The following RHOBTB1 variants were observed in gnomAD, a reference collection of about 807,000 sequenced individuals.
The protein encoded by RHOBTB1 is Rho related BTB domain containing 1.
RHOBTB1 carries 40 observed loss-of-function variants against 71.6 expected under a neutral mutation model. That is an observed-to-expected ratio of 0.56 (90% CI 0.43 to 0.73). The LOEUF (loss-of-function observed/expected upper bound fraction) is 0.73, where lower values mean the gene tolerates loss of function less well. Ranked by LOEUF, RHOBTB1 falls within the 30% of genes least tolerant of loss-of-function variation. The probability of loss-of-function intolerance (pLI) is 0.00; values close to 1 mark genes in which losing one functional copy is unlikely to be tolerated. For missense variants in RHOBTB1, 797 were observed against 894.0 expected (o/e 0.89, Z 1.38); for synonymous variants, 319 against 334.9 (o/e 0.95, Z 0.52).
At chr10:60,877,796 C>A (rs533916935) in intron 8 of RHOBTB1, 112 bp downstream of exon 8, 2 of 998,504 alleles carry the variant, frequency 2.0e-6, no homozygotes, top group East Asian at 2.6e-5. Context: ...ACAAGACAGT[C>A]CTATTTTGGG....
intron 2 of RHOBTB1, among the ~76,000 whole-genome samples, chr10:60,926,199 T>A (rs1235739447): frequency 6.6e-6 from 1 of 152,180 alleles, no homozygotes. Context: ...ATCGCACAAC[T>A]GCACTCCAGC....
rs1417280031 is a variant in RHOBTB1 at position 60,900,049 on chromosome 10, G to A, written c.297-7054C>T. On this transcript the variant is annotated intron_variant, in intron 4 of 10. Coordinates refer to ENST00000337910, the MANE Select transcript of RHOBTB1 (RefSeq NM_014836.5). ...CCCGAGGTAGGAGCCTGCCTGTGGT[G>A]CCCTCCTGGAGGAAGGGACCATGCC... Among the ~76,000 whole-genome samples the A allele has an allele frequency of 3.3e-5, 5 of 152,146 alleles. No homozygotes were observed. In the South Asian group the frequency reaches 6.2e-4, roughly 19 times the overall value.
chr10:60,959,666 A>C (rs1192841151), intron 2 of RHOBTB1, among the ~76,000 whole-genome samples: 1 of 152,194 alleles, frequency 6.6e-6, no homozygotes, highest in African/African-American at 2.4e-5. Context: ...CCTGAGTGCT[A>C]GTTTTGTCTC....
chr10:60,925,112 C>T (rs1236500173), intron 2 of RHOBTB1, among the ~76,000 whole-genome samples: 2 of 152,160 alleles, frequency 1.3e-5, no homozygotes, highest in African/African-American at 4.8e-5. Context: ...CTCCCTATTG[C>T]TCCTCCTCTG....
At chr10:60,863,961 C>T in the RHOBTB1 span, among the ~76,000 whole-genome samples, 1 of 152,214 alleles carries the variant, frequency 6.6e-6, no homozygotes, top group African/African-American at 2.4e-5. Context: ...CTTTCCCTGC[C>T]TCCGGCCTGA....
chr10:60,894,629 C>G (rs2082076778), intron 4 of RHOBTB1, among the ~76,000 whole-genome samples: 1 of 152,064 alleles, frequency 6.6e-6, no homozygotes, highest in African/African-American at 2.4e-5. Flanking sequence ...ATATTTATAT[C>G]AGGTATCTGA....
Position 60,878,015 on chromosome 10 carries a change from A to G in RHOBTB1, c.1619T>C (p.Leu540Ser). ...NINKISMQAV[L>S]DYLYTKQLSP... ...CAACTGCTTGGTATAGAGATAATCC[A>G]ATACTGCTTGCATTGATATCTTGTT... The change falls in exon 8 of 11, where the codon TTG (leucine) becomes TCG (serine). Residue 540 changes from leucine (L) to serine (S), a missense_variant. By Grantham distance (145) the Leu-to-Ser change is moderately radical. Around this residue, in one of 2 missense-constraint regions of RHOBTB1, gnomAD observed 658 missense variants for 681.5 expected, o/e 0.97. Coordinates refer to ENST00000337910, the MANE Select transcript of RHOBTB1 (RefSeq NM_014836.5). The G allele has an allele frequency of 6.2e-7, 1 of 1,613,318 alleles. No homozygotes were observed. The highest frequency in any genetic ancestry group is 1.1e-5 in the South Asian group (1 of 90,962).
At chr10:60,987,571 C>T (rs2086708114) in intron 1 of RHOBTB1, among the ~76,000 whole-genome samples, 1 of 152,194 alleles carries the variant, frequency 6.6e-6, no homozygotes. Flanking sequence ...CCACCATCCT[C>T]CATCTCCCAT....
chr10:60,924,052 G>C (rs185677536), intron 2 of RHOBTB1, among the ~76,000 whole-genome samples: 23 of 152,198 alleles, frequency 1.5e-4, no homozygotes, highest in Non-Finnish European at 1.8e-4. Context: ...AAGGAGCAGG[G>C]AAAAGCAAGG....
intron 1 of RHOBTB1, among the ~76,000 whole-genome samples, chr10:60,997,381 T>G (rs9633554): frequency 0.075 from 11,464 of 152,248 alleles, 681 homozygotes; most frequent in African/African-American, 0.17. Flanking sequence ...GAACTGTGCA[T>G]AATGGCTCCA....
At chr10:60,972,396 G>T (rs1184209211) in intron 2 of RHOBTB1, among the ~76,000 whole-genome samples, 1 of 152,110 alleles carries the variant, frequency 6.6e-6, no homozygotes, top group Non-Finnish European at 1.5e-5. Context: ...GGACATGGAT[G>T]AAGCTGGAAA....
In RHOBTB1 at chr10:60,871,656, T is replaced by G; in HGVS notation, c.1922-5A>C. On this transcript the variant is annotated splice_polypyrimidine_tract_variant and splice_region_variant and intron_variant, in intron 10 of 10. Transcript: ENST00000337910. ...GCTCGAAGTATTCCTGGTTGTCTGG[T>G]GAAGGAAAGATGCAGACCATAAGAC... 6.2e-7 allele frequency: 1 copy of G among 1,613,152 alleles called. No homozygotes were observed. Among genetic ancestry groups the G allele is most frequent in the Non-Finnish European group, 8.5e-7 (1 of 1,179,654 alleles).
intron 2 of RHOBTB1, among the ~76,000 whole-genome samples, chr10:60,919,388 G>A (rs368443238): frequency 3.3e-5 from 5 of 152,286 alleles, no homozygotes; most frequent in African/African-American, 7.2e-5. Flanking sequence ...GCCAAGTTTC[G>A]ATTGTGCAGA....
chr10:61,001,526 C>T (rs1242036559), upstream of RHOBTB1: 1 of 151,676 alleles, frequency 6.6e-6, no homozygotes. Flanking sequence ...CCTCTCCCAC[C>T]TCGGCCGCCT....
At chr10:60,909,641 A>C (rs1053582228) in intron 4 of RHOBTB1, among the ~76,000 whole-genome samples, 2 of 152,342 alleles carry the variant, frequency 1.3e-5, no homozygotes, top group East Asian at 3.9e-4. Context: ...ACAATTGGAC[A>C]AAAGAAAAAA....
At chr10:60,976,205 T>G (rs1354173840) in intron 2 of RHOBTB1, among the ~76,000 whole-genome samples, 1 of 151,988 alleles carries the variant, frequency 6.6e-6, no homozygotes, top group African/African-American at 2.4e-5. Flanking sequence ...TAACAGCATT[T>G]CATTAGGATA....
chr10:60,931,157 T>C (rs1201531706), intron 2 of RHOBTB1, among the ~76,000 whole-genome samples: 1 of 152,174 alleles, frequency 6.6e-6, no homozygotes, highest in Non-Finnish European at 1.5e-5. Flanking sequence ...ACAATGCACG[T>C]CTTATTTTTT....
intron 1 of RHOBTB1, chr10:60,986,093 T>C (rs1435522695): frequency 6.6e-6 from 1 of 152,102 alleles, no homozygotes; most frequent in East Asian, 1.9e-4. Flanking sequence ...GTCTCCTAGC[T>C]GCTTACAAAA....
At chr10:60,927,087 G>A (rs1403537709) in intron 2 of RHOBTB1, among the ~76,000 whole-genome samples, 1 of 152,014 alleles carries the variant, frequency 6.6e-6, no homozygotes, top group Non-Finnish European at 1.5e-5. Context: ...TGAACAATAT[G>A]AAAAAGAAAT....
Sources: gnomAD v4.1 joint callset for allele counts (sites outside exome capture counted in the v4.1 genomes callset) on GRCh38, gnomAD v4.1.1 for gene constraint, gnomAD v4.1.1 regional missense constraint, MANE v1.5 for transcripts, NCBI Gene and HGNC (gene_info 2026-07-23, HGNC 2026-07-21) for gene names.